Variants in MCM9 observed in about 807,000 individuals in gnomAD.
MCM9 encodes the protein DNA helicase MCM9.
In MCM9, 55 loss-of-function variants were observed where a neutral mutation model predicts 72.8. That is an observed-to-expected ratio of 0.76 (90% confidence interval 0.61 to 0.95). The LOEUF (loss-of-function observed/expected upper bound fraction) is 0.95. MCM9 is among the 40% of genes least tolerant of loss of function. The pLI is 0.00. For synonymous variants in MCM9, 480 were observed against 503.4 expected (o/e 0.95, Z 0.62); for missense variants, 1,279 against 1,377.0 (o/e 0.93, Z 1.13).
intron 8 of MCM9, among the ~76,000 whole-genome samples, chr6:118,891,842 C>T (rs1778966221): frequency 6.6e-6 from 1 of 152,170 alleles, no homozygotes; most frequent in Non-Finnish European, 1.5e-5. Flanking sequence ...CCATCCTTCC[C>T]CCAAGTAACC....
intron 9 of MCM9, among the ~76,000 whole-genome samples, chr6:118,845,232 G>C (rs970288175): frequency 6.6e-6 from 1 of 151,890 alleles, no homozygotes; most frequent in African/African-American, 2.4e-5. Context: ...TAATAACGAA[G>C]AGAATAGGTT....
intron 13 of MCM9, among the ~76,000 whole-genome samples, chr6:118,822,323 T>C (rs1773870980): frequency 6.6e-6 from 1 of 152,156 alleles, no homozygotes; most frequent in African/African-American, 2.4e-5. Flanking sequence ...CCCTTTTTGT[T>C]GATGTTGTTG....
intron 2 of MCM9, among the ~76,000 whole-genome samples, chr6:118,931,942 A>C (rs1479073845): frequency 6.6e-6 from 1 of 152,228 alleles, no homozygotes; most frequent in African/African-American, 2.4e-5. Flanking sequence ...AGTCAAATGT[A>C]AGTCAAAGAA....
At chr6:118,878,089 G>C (rs901809868) in intron 8 of MCM9, among the ~76,000 whole-genome samples, 2 of 152,098 alleles carry the variant, frequency 1.3e-5, no homozygotes, top group Non-Finnish European at 2.9e-5. Context: ...TTGAGCCCAG[G>C]AGTTCCAGGC....
intron 3 of MCM9, among the ~76,000 whole-genome samples, chr6:118,926,880 C>T (rs1391126241): frequency 1.3e-5 from 2 of 152,030 alleles, no homozygotes; most frequent in Non-Finnish European, 2.9e-5. Context: ...TCACTAAGTA[C>T]TCTCTATTGT....
intron 8 of MCM9, among the ~76,000 whole-genome samples, chr6:118,861,339 A>C (rs1776891566): frequency 6.6e-6 from 1 of 152,180 alleles, no homozygotes; most frequent in African/African-American, 2.4e-5. Context: ...TGGGCAGCTA[A>C]AAGGGCTGCA....
chr6:118,833,496 T>C (rs1210840143), intron 9 of MCM9, among the ~76,000 whole-genome samples: 3 of 152,090 alleles, frequency 2.0e-5, no homozygotes, highest in Non-Finnish European at 4.4e-5. Flanking sequence ...TCAGCAGCAC[T>C]ACACACACAA....
intron 8 of MCM9, among the ~76,000 whole-genome samples, chr6:118,864,534 C>T (rs36138353): frequency 0.86 from 130,014 of 151,804 alleles, 55,824 homozygotes; most frequent in East Asian, 0.96. Flanking sequence ...CAGGGACCAG[C>T]TGAGAGACTC....
chr6:118,907,374 C>T (rs774508783), intron 8 of MCM9: 5 of 1,488,392 alleles, frequency 3.4e-6, no homozygotes, highest in Non-Finnish European at 3.7e-6. Flanking sequence ...TTAGTGTTTA[C>T]CATTTGTATG....
chr6:118,840,731 C>T (rs1775300630), intron 9 of MCM9, among the ~76,000 whole-genome samples: 1 of 107,662 alleles, frequency 9.3e-6, no homozygotes, highest in African/African-American at 3.5e-5. Context: ...ATATTCTCTC[C>T]TCCCCCCCCC....
At chr6:118,862,690 A>G (rs768422821) in intron 8 of MCM9, among the ~76,000 whole-genome samples, 7 of 152,124 alleles carry the variant, frequency 4.6e-5, no homozygotes, top group Admixed American at 6.5e-5. Flanking sequence ...ATAGAGACAT[A>G]GCTTCGATTA....
chr6:118,933,547 G>A (rs1236089721), intron 1 of MCM9, among the ~76,000 whole-genome samples: 1 of 151,558 alleles, frequency 6.6e-6, no homozygotes, highest in Non-Finnish European at 1.5e-5. Flanking sequence ...CGTTTGGAAA[G>A]AGATTGAGGA....
chr6:118,834,070 T>C (rs948595904), intron 9 of MCM9, among the ~76,000 whole-genome samples: 1 of 152,148 alleles, frequency 6.6e-6, no homozygotes, highest in African/African-American at 2.4e-5. Context: ...GTGTCCATGT[T>C]TTCTCATTGT....
chr6:118,816,682 G>C lies in MCM9; in HGVS notation c.1962-388C>G, dbSNP rs181251124. Reference sequence around the variant, plus strand: ...AGACAGACCTGTTGCTACCCACACAGTAGCTGATTGCTGACCAAGTAGGTT... The same window carrying C: ...AGACAGACCTGTTGCTACCCACACACTAGCTGATTGCTGACCAAGTAGGTT... On this transcript the variant is annotated intron_variant, in intron 13 of 13. Transcript: ENST00000619706. Among the ~76,000 whole-genome samples, 20 of 152,304 alleles carry C rather than the reference G, an allele frequency of 1.3e-4. No homozygotes were observed. In the East Asian group the frequency reaches 3.5e-3, roughly 26 times the overall value.
chr6:118,923,673 C>T (rs572660666), intron 4 of MCM9, 138 bp downstream of exon 4: 3 of 715,112 alleles, frequency 4.2e-6, no homozygotes, highest in South Asian at 1.9e-5. Flanking sequence ...ATATGTGGAA[C>T]AGTTTCGAGC....
At chr6:118,917,459 T>G in intron 6 of MCM9, 102 bp downstream of exon 6, 1 of 1,140,304 alleles carries the variant, frequency 8.8e-7, no homozygotes, top group Non-Finnish European at 1.3e-6. Context: ...AACTCAGTCA[T>G]TGAGTTATGC....
intron 8 of MCM9, among the ~76,000 whole-genome samples, chr6:118,861,437 A>G (rs1776898384): frequency 6.6e-6 from 1 of 152,188 alleles, no homozygotes; most frequent in African/African-American, 2.4e-5. Flanking sequence ...CAGTCCCATC[A>G]TTCAACAGGT....
At chr6:118,901,039 G>T (rs993096612) in intron 8 of MCM9, 1 of 575,252 alleles carries the variant, frequency 1.7e-6, no homozygotes, top group Non-Finnish European at 3.1e-6. Context: ...GGCAGTCTCT[G>T]TGTCACAGAG....
At chr6:118,821,692 C>G (rs1773823935) in intron 13 of MCM9, among the ~76,000 whole-genome samples, 1 of 152,132 alleles carries the variant, frequency 6.6e-6, no homozygotes, top group Admixed American at 6.5e-5. Flanking sequence ...GGGAAGTTCT[C>G]CTGGAAAATA....
Sources: gnomAD v4.1 joint callset for allele counts (sites outside exome capture counted in the v4.1 genomes callset) on GRCh38, gnomAD v4.1.1 for gene constraint, MANE v1.5 for transcripts, NCBI Gene and HGNC (gene_info 2026-07-23, HGNC 2026-07-21) for gene names.